OSBPL3: variants seen among roughly 807,000 people sequenced by gnomAD.
OSBPL3 encodes the protein oxysterol-binding protein-related protein 3.
OSBPL3 carries 65 observed loss-of-function variants against 120.1 expected under a neutral mutation model. The ratio of observed to expected loss-of-function variants is 0.54; its 90% CI spans 0.44 to 0.67. The LOEUF is 0.67. OSBPL3 is among the 30% of genes least tolerant of loss of function. OSBPL3 has a pLI of 0.00. For synonymous variants in OSBPL3, 416 were observed against 402.6 expected, an observed-to-expected ratio of 1.03 and a Z score of -0.40; for missense variants, 1,004 against 1,082.1, an observed-to-expected ratio of 0.93 and a Z score of 1.01.
chr7:24,943,114 A>G (rs540952550), intron 1 of OSBPL3, among the ~76,000 whole-genome samples: 28 of 152,342 alleles, frequency 1.8e-4, no homozygotes, highest in African/African-American at 6.7e-4. Context: ...GTTTTCCCAC[A>G]TTATGCTGTA....
intron 5 of OSBPL3, among the ~76,000 whole-genome samples, chr7:24,868,905 G>A (rs1411121263): frequency 6.6e-6 from 1 of 152,204 alleles, no homozygotes; most frequent in Admixed American, 6.5e-5. Context: ...AGAAGAATAA[G>A]AGCACTTTAT....
At chr7:24,876,225 T>G (rs527277178) in intron 2 of OSBPL3, among the ~76,000 whole-genome samples, 5 of 152,176 alleles carry the variant, frequency 3.3e-5, no homozygotes, top group Non-Finnish European at 7.3e-5. Flanking sequence ...CTTTGGCGAT[T>G]TACTTATATT....
intron 1 of OSBPL3, among the ~76,000 whole-genome samples, chr7:24,977,259 T>C (rs1231449769): frequency 6.6e-6 from 1 of 152,106 alleles, no homozygotes; most frequent in Non-Finnish European, 1.5e-5. Context: ...CCACAAACCA[T>C]AAACCCAAGC....
rs768641086 is a variant in OSBPL3, at chr7:24,822,190, T to G, written c.1885-1952A>C. 3.9e-5 allele frequency among the ~76,000 whole-genome samples: 6 copies of G among 152,154 alleles called. No individual in the cohort carries two copies. The highest frequency in any genetic ancestry group is 5.9e-5 in the Non-Finnish European group (4 of 68,024). ...TATCCAGTTATCTTTTTTAAAAAAATCCTACCACTTGGAGATACCTTATAT... is the reference window on the plus strand; with the variant it reads ...TATCCAGTTATCTTTTTTAAAAAAAGCCTACCACTTGGAGATACCTTATAT... On this transcript the variant is annotated intron_variant, in intron 16 of 22. Transcript: ENST00000313367. The surrounding 1 kb of genome is among the most constrained non-coding windows in gnomAD (Gnocchi z 5.8).
rs1026512438 is a variant in OSBPL3 at position 24,819,842 on chromosome 7, G to A, written c.1948+333C>T. On this transcript the variant is annotated intron_variant, in intron 17 of 22. Coordinates refer to ENST00000313367, the MANE Select transcript of OSBPL3 (RefSeq NM_015550.4). The surrounding 1 kb of genome is among the most constrained non-coding windows in gnomAD (Gnocchi z 4.1). ...AAAAGAAGTAAGCAATGTAAAACAC[G>A]ACTTCAGAAATAAAATTTAAGTTTG... is the stretch of plus-strand genomic sequence containing the variant. 1.3e-5 allele frequency among the ~76,000 whole-genome samples: 2 copies of A among 152,048 alleles called. No individual in the cohort carries two copies. The highest frequency in any genetic ancestry group is 4.8e-5 in the African/African-American group (2 of 41,404).
chr7:24,814,314 G>A (rs886401452), intron 19 of OSBPL3, among the ~76,000 whole-genome samples: 1 of 152,146 alleles, frequency 6.6e-6, no homozygotes, highest in Non-Finnish European at 1.5e-5. Flanking sequence ...ATCTGCAAGT[G>A]TGCAAGTATG....
chr7:24,868,724 T>C (rs1466587549), intron 5 of OSBPL3, among the ~76,000 whole-genome samples: 1 of 152,174 alleles, frequency 6.6e-6, no homozygotes, highest in Non-Finnish European at 1.5e-5. Flanking sequence ...CTCACACCTA[T>C]TTGTCTCCCC....
At position 24,824,201 on chromosome 7, in the gene OSBPL3, T is replaced by G. The variant is rs151264393; in HGVS notation, c.1885-3963A>C. Among the ~76,000 whole-genome samples, 2 of 152,336 alleles carry G rather than the reference T, an allele frequency of 1.3e-5. 1 individual carries two copies. The highest frequency in any genetic ancestry group is 2.9e-5 in the Non-Finnish European group (2 of 68,034). On this transcript the variant is annotated intron_variant, in intron 16 of 22. Transcript: ENST00000313367. The surrounding 1 kb of genome is among the most constrained non-coding windows in gnomAD (Gnocchi z 4.9). ...AAGTATTTATATGGTAACACATGTATCTATCTTTCTTTCTACAAGCCCCAA... is the reference window on the plus strand; with the variant it reads ...AAGTATTTATATGGTAACACATGTAGCTATCTTTCTTTCTACAAGCCCCAA...
rs1414434809 is a variant in OSBPL3 at position 24,852,494 on chromosome 7, T to C, written c.1158+10A>G. On this transcript the variant is annotated intron_variant, in intron 11 of 22. Coordinates refer to ENST00000313367, the MANE Select transcript of OSBPL3 (RefSeq NM_015550.4). This position sits in a 1 kb window ranked among gnomAD's most constrained non-coding sequence, Gnocchi z 4.1. ...TCTCAGGCATTCCTGGAGGCAGACATGTAACTTACGGATGACAGGGCGTTC... is the reference window on the plus strand; with the variant it reads ...TCTCAGGCATTCCTGGAGGCAGACACGTAACTTACGGATGACAGGGCGTTC... The C allele has an allele frequency of 1.3e-6, 2 of 1,558,108 alleles. No homozygotes were observed. The highest frequency in any genetic ancestry group is 2.3e-5 in the East Asian group (1 of 43,842).
intron 1 of OSBPL3, among the ~76,000 whole-genome samples, chr7:24,917,446 T>TACACAC (rs1554404986): frequency 8.2e-6 from 1 of 122,228 alleles, no homozygotes; most frequent in African/African-American, 3.1e-5. Flanking sequence ...TATATATATA[T>TACACAC]ACACACACAT....
At chr7:24,838,311 C>G (rs1797261837) in intron 14 of OSBPL3, among the ~76,000 whole-genome samples, 1 of 152,046 alleles carries the variant, frequency 6.6e-6, no homozygotes, top group African/African-American at 2.4e-5. Flanking sequence ...GCCTGGCCAA[C>G]ATGGTGAAAC....
In OSBPL3 at chr7:24,804,165, G is replaced by A. The variant is rs1470597671; in HGVS notation, c.2567+150C>T. The A allele has an allele frequency of 2.3e-6, 2 of 879,810 alleles. No individual in the cohort carries two copies. The highest frequency in any genetic ancestry group is 2.1e-5 in the Admixed American group (1 of 47,402). 54.5% of individuals were successfully genotyped at this position (879,810 alleles called of 1,614,324 possible). ...AAGGTAAGTGCGGGGGACAGGGCCT[G>A]GCACAGAGGAGCAGTACCCCCACGT... On this transcript the variant is annotated intron_variant, in intron 22 of 22. Transcript: ENST00000313367. The surrounding 1 kb of genome is among the most constrained non-coding windows in gnomAD (Gnocchi z 5.4).
At chr7:24,800,322 C>A (rs371253300) in intron 22 of OSBPL3, 43 bp from the exon 23 acceptor site, 2 of 1,149,824 alleles carry the variant, frequency 1.7e-6, no homozygotes, top group Non-Finnish European at 2.6e-6. Flanking sequence ...TTGAAACCAG[C>A]GTCACATTCT....
chr7:24,890,363 G>C (rs562578256), intron 2 of OSBPL3, among the ~76,000 whole-genome samples: 1 of 152,120 alleles, frequency 6.6e-6, no homozygotes, highest in Admixed American at 6.5e-5. Flanking sequence ...TTTAGCAACC[G>C]ACAGACCATC....
rs1794896257 is a variant in OSBPL3 at position 24,819,766 on chromosome 7, A to C, written c.1948+409T>G. ...TTAGAAGATTTACCCACCCAACCCC[A>C]ACTCAAAATATAAACTGAACAAAAT... On this transcript the variant is annotated intron_variant, in intron 17 of 22. Coordinates refer to ENST00000313367, the MANE Select transcript of OSBPL3 (RefSeq NM_015550.4). The surrounding 1 kb of genome is among the most constrained non-coding windows in gnomAD (Gnocchi z 4.1). Among the ~76,000 whole-genome samples, 1 of 152,136 alleles carries C rather than the reference A, an allele frequency of 6.6e-6. No homozygotes were observed. The highest frequency in any genetic ancestry group is 2.4e-5 in the African/African-American group (1 of 41,422).
At chr7:24,980,196 G>A (rs1003931414), upstream of OSBPL3, 2 of 332,972 alleles carry the variant, frequency 6.0e-6, no homozygotes, top group Non-Finnish European at 8.6e-6. Context: ...GCCGCCCGGC[G>A]ATTAGCCCGA....
Position 24,882,121 on chromosome 7 carries a change from A to G in OSBPL3, c.97-10052T>C, listed in dbSNP as rs1164930510. ...TGGATACATCTTTTTCTTTTAAAACAGTGTATATATTTATAGGGTACCTGT... is the reference window on the plus strand; with the variant it reads ...TGGATACATCTTTTTCTTTTAAAACGGTGTATATATTTATAGGGTACCTGT... On this transcript the variant is annotated intron_variant, in intron 2 of 22. Coordinates refer to ENST00000313367, the MANE Select transcript of OSBPL3 (RefSeq NM_015550.4). Among the ~76,000 whole-genome samples, 3 of 152,176 alleles carry G rather than the reference A, an allele frequency of 2.0e-5. No homozygotes were observed. The East Asian group carries it at 5.8e-4, about 29-fold the overall frequency.
At chr7:24,826,819 T>C (rs1795765591) in intron 16 of OSBPL3, among the ~76,000 whole-genome samples, 1 of 152,196 alleles carries the variant, frequency 6.6e-6, no homozygotes, top group East Asian at 1.9e-4. Context: ...TTGGGTCTTT[T>C]AGACGAGAAA....
At chr7:24,897,095 A>T (rs1806254756) in intron 1 of OSBPL3, among the ~76,000 whole-genome samples, 1 of 151,572 alleles carries the variant, frequency 6.6e-6, no homozygotes, top group African/African-American at 2.4e-5. Flanking sequence ...GGAGGGAGGG[A>T]GGAAGGAAGG....
Sources: gnomAD v4.1 joint callset for allele counts (sites outside exome capture counted in the v4.1 genomes callset) on GRCh38, gnomAD v4.1.1 for gene constraint, Gnocchi (gnomAD v3.1) non-coding constraint, MANE v1.5 for transcripts, NCBI Gene and HGNC (gene_info 2026-07-23, HGNC 2026-07-21) for gene names.